The following COMMD7 variants were observed in gnomAD, a reference collection of about 807,000 sequenced individuals.
COMMD7 encodes the protein COMM domain-containing protein 7.
In COMMD7, 28 loss-of-function variants were observed where a neutral mutation model predicts 34.8. That is an observed-to-expected ratio of 0.80 (90% CI 0.60 to 1.10). COMMD7 has a LOEUF of 1.10. COMMD7 is among the 50% of genes least tolerant of loss of function. COMMD7 has a pLI of 0.00. For missense variants in COMMD7, 211 were observed against 241.6 expected, an observed-to-expected ratio of 0.87 and a Z score of 0.84; for synonymous variants, 80 against 86.4, an observed-to-expected ratio of 0.93 and a Z score of 0.41.
At chr20:32,719,413 C>T (rs1985012464) in intron 3 of COMMD7, among the ~76,000 whole-genome samples, 1 of 152,064 alleles carries the variant, frequency 6.6e-6, no homozygotes, top group South Asian at 2.1e-4. Context: ...TTTGGGAGGC[C>T]AAGGTGGGGT....
intron 8 of COMMD7, 32 bp downstream of exon 8, chr20:32,703,991 G>A: frequency 6.2e-7 from 1 of 1,613,890 alleles, no homozygotes; most frequent in Non-Finnish European, 8.5e-7. Flanking sequence ...CACAAAAAAG[G>A]TGAAGAGGCT....
chr20:32,703,641 C>T, intron 8 of COMMD7, 183 bp from the exon 9 acceptor site: 1 of 1,434,068 alleles, frequency 7.0e-7, no homozygotes, highest in Non-Finnish European at 9.1e-7. Flanking sequence ...TTCTCTGCTC[C>T]AAAGGAAAAA....
At chr20:32,728,730 C>T (rs1985668764) in intron 1 of COMMD7, among the ~76,000 whole-genome samples, 1 of 151,726 alleles carries the variant, frequency 6.6e-6, no homozygotes. Context: ...CCATACCCGA[C>T]TAATTTTTTT....
At chr20:32,730,519 C>T (rs952012156) in intron 1 of COMMD7, among the ~76,000 whole-genome samples, 5 of 152,004 alleles carry the variant, frequency 3.3e-5, no homozygotes, top group Admixed American at 1.3e-4. Flanking sequence ...CATGCCACTG[C>T]ACTCCAGCCT....
Position 32,737,958 on chromosome 20 carries a change from A to G in COMMD7, c.84+5350T>C, listed in dbSNP as rs534545240. On this transcript the variant is annotated intron_variant, in intron 1 of 8. Transcript: ENST00000278980. ...ACAATCCAGTATCTTAAAAAAAAAA[A>G]AAAGAAAAAAACTTTGTTAGTAGCA... 3.3e-5 allele frequency among the ~76,000 whole-genome samples: 5 copies of G among 152,264 alleles called. No homozygotes were observed. The East Asian group carries it at 7.7e-4, about 23-fold the overall frequency.
intron 5 of COMMD7, 105 bp from the exon 6 acceptor site, chr20:32,705,009 G>T: frequency 1.2e-6 from 1 of 807,858 alleles, no homozygotes. Flanking sequence ...ATAGTGGGGA[G>T]GGTGCAGAAG....
intron 1 of COMMD7, 46 bp downstream of exon 1, chr20:32,743,262 T>A: frequency 9.8e-6 from 6 of 614,564 alleles, no homozygotes; most frequent in East Asian, 5.0e-5. Flanking sequence ...GCCCGGATCC[T>A]GGAATCACCT....
In COMMD7 at chr20:32,712,275, A is replaced by C. The variant is rs1218110949; in HGVS notation, c.242-5515T>G. Among the ~76,000 whole-genome samples the C allele has an allele frequency of 2.8e-4, 21 of 75,198 alleles. No individual in the cohort carries two copies. The South Asian group carries it at 4.5e-3, about 16-fold the overall frequency. The allele number at this position is 75,198 out of a possible 152,430, so 49.3% of individuals were successfully genotyped here. A position where few individuals can be genotyped will look rare whatever the true frequency, so the allele number is the denominator to read the frequency against. On this transcript the variant is annotated intron_variant, in intron 3 of 8. Coordinates refer to ENST00000278980, the MANE Select transcript of COMMD7 (RefSeq NM_053041.3). ...ACAGAGCAAGACTCCGTCTCAAAAA[A>C]AAAAAAAAAAAAAAAAAAAGAGAGA...
At chr20:32,716,610 G>A (rs866273515) in intron 3 of COMMD7, among the ~76,000 whole-genome samples, 16 of 151,958 alleles carry the variant, frequency 1.1e-4, no homozygotes, top group Non-Finnish European at 1.6e-4. Context: ...GTGAGACTCC[G>A]TCTCAAAAAC....
At chr20:32,712,243 C>T (rs1390305499) in intron 3 of COMMD7, among the ~76,000 whole-genome samples, 1 of 125,634 alleles carries the variant, frequency 8.0e-6, no homozygotes, top group Non-Finnish European at 1.6e-5. Flanking sequence ...GCACTCCAGC[C>T]TGGGCCACAG....
intron 3 of COMMD7, among the ~76,000 whole-genome samples, chr20:32,721,627 C>T (rs1000964156): frequency 1.1e-4 from 16 of 152,240 alleles, no homozygotes; most frequent in Admixed American, 1.0e-3. Context: ...TGCCTGTAAT[C>T]CCAGCACTTT....
chr20:32,712,475 T>G (rs1006640589), intron 3 of COMMD7, among the ~76,000 whole-genome samples: 1 of 150,658 alleles, frequency 6.6e-6, no homozygotes, highest in Non-Finnish European at 1.5e-5. Flanking sequence ...GCCACTGCAC[T>G]CTAGCCTGGT....
chr20:32,736,964 T>G lies in COMMD7; in HGVS notation c.84+6344A>C, dbSNP rs563393506. 2.8e-4 allele frequency among the ~76,000 whole-genome samples: 43 copies of G among 152,094 alleles called. 1 individual carries two copies. The highest frequency in any genetic ancestry group is 9.6e-4 in the African/African-American group (40 of 41,524). On this transcript the variant is annotated intron_variant, in intron 1 of 8. Transcript: ENST00000278980. ...AGGAGGCTGAGGCAGGTGGATCACC[T>G]AAGGTCAGGAGTTCGAGAGTAGCCT...
intron 1 of COMMD7, among the ~76,000 whole-genome samples, chr20:32,740,891 C>G (rs865809278): frequency 6.6e-6 from 1 of 151,770 alleles, no homozygotes; most frequent in Middle Eastern, 3.4e-3. Context: ...GCCTGTAATC[C>G]CAGCACTTTG....
In COMMD7 at chr20:32,728,316, T is replaced by C. The variant is rs555828160; in HGVS notation, c.85-174A>G. 4.6e-5 allele frequency among the ~76,000 whole-genome samples: 7 copies of C among 152,192 alleles called. No homozygotes were observed. The South Asian group carries it at 1.5e-3, about 32-fold the overall frequency. ...ACAATACCCACCACCAGTGTCAATA[T>C]ACCTGTGTCGCTACATCATCTGAAA... On this transcript the variant is annotated intron_variant, in intron 1 of 8. Coordinates refer to ENST00000278980, the MANE Select transcript of COMMD7 (RefSeq NM_053041.3).
intron 3 of COMMD7, among the ~76,000 whole-genome samples, chr20:32,723,076 T>TTCTGCACTTTAGGCA (rs1555825381): frequency 7.8e-4 from 42 of 53,888 alleles, no homozygotes; most frequent in South Asian, 1.7e-3. Context: ...AGACTTGTGA[T>TTCTGCACTTTAGGCA]CCTCTCCCTC....
At chr20:32,736,754 T>C (rs1986146931) in intron 1 of COMMD7, among the ~76,000 whole-genome samples, 1 of 150,000 alleles carries the variant, frequency 6.7e-6, no homozygotes, top group Non-Finnish European at 1.5e-5. Context: ...AGAAAATGAG[T>C]CAGTTCCTGG....
intron 3 of COMMD7, among the ~76,000 whole-genome samples, chr20:32,720,927 C>CTT (rs1985113805): frequency 1.3e-5 from 2 of 152,164 alleles, no homozygotes; most frequent in African/African-American, 4.8e-5. Context: ...CTAACTATGG[C>CTT]TTAGGAAAGA....
intron 3 of COMMD7, among the ~76,000 whole-genome samples, chr20:32,712,322 T>C (rs1463051454): frequency 8.0e-6 from 1 of 125,412 alleles, no homozygotes; most frequent in Non-Finnish European, 1.6e-5. Context: ...TCCTGGACAA[T>C]GTAGTGAAAC....
Sources: allele counts gnomAD v4.1 joint callset (sites outside exome capture counted in the v4.1 genomes callset), GRCh38; gene constraint gnomAD v4.1.1; transcripts MANE v1.5; gene names NCBI Gene and HGNC (gene_info 2026-07-23, HGNC 2026-07-21).